The following GRIK2 variants were observed in gnomAD, a reference collection of about 807,000 sequenced individuals.
GRIK2 encodes the protein glutamate receptor ionotropic, kainate 2.
A neutral mutation model predicts 100.3 loss-of-function variants in GRIK2; 32 were observed. That is an observed-to-expected ratio of 0.32 (90% CI 0.24 to 0.43). The LOEUF (loss-of-function observed/expected upper bound fraction) is 0.43, where lower values mean the gene tolerates loss of function less well. GRIK2 is among the 20% of genes least tolerant of loss of function. GRIK2 has a pLI of 1.00. For missense variants in GRIK2, 843 were observed against 1,114.9 expected, an observed-to-expected ratio of 0.76 and a Z score of 3.47; for synonymous variants, 417 against 389.4, an observed-to-expected ratio of 1.07 and a Z score of -0.83.
chr6:101,609,574 TACA>T (rs1779582608), intron 2 of GRIK2, among the ~76,000 whole-genome samples: 1 of 151,858 alleles, frequency 6.6e-6, no homozygotes, highest in African/African-American at 2.4e-5. Flanking sequence ...GATCAATTTC[TACA>T]ACATTTTAAT....
At chr6:101,541,114 G>A (rs974452119) in intron 2 of GRIK2, among the ~76,000 whole-genome samples, 1 of 151,894 alleles carries the variant, frequency 6.6e-6, no homozygotes, top group Non-Finnish European at 1.5e-5. Flanking sequence ...CACTTCTATT[G>A]CTACATGTCT....
intron 2 of GRIK2, among the ~76,000 whole-genome samples, chr6:101,584,393 T>C (rs546760535): frequency 1.5e-4 from 23 of 152,178 alleles, no homozygotes; most frequent in Non-Finnish European, 2.4e-4. Context: ...CAAATAAAAA[T>C]GGTCTAGTTT....
chr6:101,446,488 GT>G (rs1203445229), intron 2 of GRIK2, among the ~76,000 whole-genome samples: 1 of 151,672 alleles, frequency 6.6e-6, no homozygotes, highest in African/African-American at 2.4e-5. Flanking sequence ...TTCAGTGATA[GT>G]TTTTTTATAC....
At chr6:102,037,442 G>T (rs1167700833) in intron 15 of GRIK2, among the ~76,000 whole-genome samples, 1 of 151,280 alleles carries the variant, frequency 6.6e-6, no homozygotes, top group Non-Finnish European at 1.5e-5. Flanking sequence ...TATTTTGGAG[G>T]AGGAATATTT....
At chr6:101,496,350 A>C (rs1488335815) in intron 2 of GRIK2, among the ~76,000 whole-genome samples, 1 of 152,194 alleles carries the variant, frequency 6.6e-6, no homozygotes, top group Non-Finnish European at 1.5e-5. Flanking sequence ...ATGTGACATA[A>C]TGGCTGTGAT....
intron 2 of GRIK2, among the ~76,000 whole-genome samples, chr6:101,540,153 A>G (rs2128288117): frequency 6.6e-6 from 1 of 151,872 alleles, no homozygotes; most frequent in South Asian, 2.1e-4. Flanking sequence ...ATGAAGATAT[A>G]CATTCTTTTG....
At chr6:101,595,511 G>A (rs1778875248) in intron 2 of GRIK2, among the ~76,000 whole-genome samples, 1 of 151,546 alleles carries the variant, frequency 6.6e-6, no homozygotes, top group African/African-American at 2.4e-5. Context: ...CAGATTCTAT[G>A]TAGTTCAAAA....
At chr6:101,891,260 T>A (rs1787058759) in intron 12 of GRIK2, among the ~76,000 whole-genome samples, 1 of 152,016 alleles carries the variant, frequency 6.6e-6, no homozygotes, top group Non-Finnish European at 1.5e-5. Context: ...TGCTCACGCC[T>A]GTAATCCCAG....
chr6:101,761,052 G>A (rs887987978), intron 7 of GRIK2, among the ~76,000 whole-genome samples: 2 of 152,042 alleles, frequency 1.3e-5, no homozygotes, highest in African/African-American at 4.8e-5. Context: ...ACTATCCAAA[G>A]ACAGTTAAAT....
At chr6:101,945,914 T>G (rs890684136) in intron 14 of GRIK2, among the ~76,000 whole-genome samples, 1 of 141,904 alleles carries the variant, frequency 7.0e-6, no homozygotes, top group African/African-American at 3.1e-5. Context: ...TCTACTGTTT[T>G]TTTTTTTTTT....
At chr6:101,715,172 A>G (rs1157163202) in intron 7 of GRIK2, among the ~76,000 whole-genome samples, 1 of 151,844 alleles carries the variant, frequency 6.6e-6, no homozygotes, top group East Asian at 1.9e-4. Context: ...CAGAAACGTC[A>G]TTAAAATGTT....
At chr6:101,868,238 T>C (rs1785175223) in intron 11 of GRIK2, among the ~76,000 whole-genome samples, 1 of 149,262 alleles carries the variant, frequency 6.7e-6, no homozygotes, top group Non-Finnish European at 1.5e-5. Context: ...TCTTCTTAAA[T>C]AAAGAAAAAC....
chr6:101,952,131 A>C (rs1027293492), intron 14 of GRIK2, among the ~76,000 whole-genome samples: 2 of 152,236 alleles, frequency 1.3e-5, no homozygotes, highest in Non-Finnish European at 2.9e-5. Flanking sequence ...TGTCACTTCA[A>C]GAATGTTACA....
chr6:101,735,574 T>C (rs1009145827), intron 7 of GRIK2, among the ~76,000 whole-genome samples: 1 of 150,552 alleles, frequency 6.6e-6, no homozygotes, highest in African/African-American at 2.4e-5. Context: ...TAGGGAAACT[T>C]CCATTTTTAA....
intron 7 of GRIK2, among the ~76,000 whole-genome samples, chr6:101,696,019 G>A (rs1772461535): frequency 6.6e-6 from 1 of 152,026 alleles, no homozygotes; most frequent in South Asian, 2.1e-4. Flanking sequence ...CCATCGTTAA[G>A]TAGGGGATCA....
chr6:101,648,401 C>T (rs1781628386), intron 4 of GRIK2, among the ~76,000 whole-genome samples: 2 of 152,092 alleles, frequency 1.3e-5, no homozygotes, highest in Non-Finnish European at 2.9e-5. Flanking sequence ...GATCCAGATT[C>T]TCCAAGATCT....
chr6:102,042,244 T>G (rs1027561961), intron 15 of GRIK2, among the ~76,000 whole-genome samples: 3 of 151,614 alleles, frequency 2.0e-5, no homozygotes, highest in Non-Finnish European at 4.4e-5. Context: ...GCTCAAGATA[T>G]ACTAGGAGAA....
intron 7 of GRIK2, among the ~76,000 whole-genome samples, chr6:101,732,606 G>A (rs1278525712): frequency 6.6e-6 from 1 of 152,016 alleles, no homozygotes; most frequent in Admixed American, 6.6e-5. Flanking sequence ...CTTTGCCTCT[G>A]TGTTTTCATT....
intron 4 of GRIK2, among the ~76,000 whole-genome samples, chr6:101,636,470 G>A (rs1032594907): frequency 5.9e-5 from 9 of 151,948 alleles, no homozygotes; most frequent in Admixed American, 5.9e-4. Context: ...TGCATGTTCT[G>A]CACATGTATC....
Sources: gnomAD v4.1 joint callset for allele counts (sites outside exome capture counted in the v4.1 genomes callset) on GRCh38, gnomAD v4.1.1 for gene constraint, MANE v1.5 for transcripts, NCBI Gene and HGNC (gene_info 2026-07-23, HGNC 2026-07-21) for gene names.